SPACA7: variants seen among roughly 807,000 people sequenced by gnomAD.
SPACA7 encodes the protein sperm acrosome associated 7.
Under a neutral mutation model 26.3 loss-of-function variants are expected in SPACA7, and 19 were observed. That is an observed-to-expected ratio of 0.72 (90% CI 0.50 to 1.06). The LOEUF (loss-of-function observed/expected upper bound fraction) is 1.06. Ranked by LOEUF, SPACA7 falls within the 50% of genes least tolerant of loss-of-function variation. The pLI, the probability that SPACA7 is intolerant of heterozygous loss-of-function variation, is 0.00. For missense variants in SPACA7, 211 were observed against 229.9 expected (o/e 0.92, Z 0.53); for synonymous variants, 84 against 84.5 (o/e 0.99, Z 0.04).
chr13:112,381,258 A>C (rs1163679796), intron 1 of SPACA7, among the ~76,000 whole-genome samples: 4 of 152,158 alleles, frequency 2.6e-5, no homozygotes, highest in Admixed American at 6.5e-5. Flanking sequence ...GGGAGGTTAA[A>C]GCTGGTGGAT....
Position 112,434,408 on chromosome 13 carries a change from G to A in SPACA7, c.524-77G>A. 5 of 1,251,522 alleles carry A rather than the reference G, an allele frequency of 4.0e-6. 1 individual carries two copies. The South Asian group carries it at 6.5e-5, about 16-fold the overall frequency. 77.5% of individuals were successfully genotyped at this position (1,251,522 alleles called of 1,614,324 possible). On this transcript the variant is annotated intron_variant, in intron 6 of 6. Transcript: ENST00000283550. Reference sequence around the variant, plus strand: ...GGCTTGGTTCCTCCTGTCCCCTGGTGTCCCTCGATCCTGCCAGTGCCTCCA... The same window carrying A: ...GGCTTGGTTCCTCCTGTCCCCTGGTATCCCTCGATCCTGCCAGTGCCTCCA...
chr13:112,399,249 G>T, intron 4 of SPACA7, 76 bp downstream of exon 4: 1 of 804,906 alleles, frequency 1.2e-6, no homozygotes. Context: ...AGACGCAGGC[G>T]GAAACATCTC....
At chr13:112,380,520 C>T (rs1207458032) in intron 1 of SPACA7, among the ~76,000 whole-genome samples, 1 of 151,686 alleles carries the variant, frequency 6.6e-6, no homozygotes, top group Non-Finnish European at 1.5e-5. Flanking sequence ...TACTAAAGCT[C>T]ATCTATAAAA....
intron 6 of SPACA7, 75 bp from the exon 7 acceptor site, chr13:112,434,410 C>T: frequency 7.9e-7 from 1 of 1,273,340 alleles, no homozygotes; most frequent in Non-Finnish European, 1.1e-6. Flanking sequence ...CCCCTGGTGT[C>T]CCTCGATCCT....
At chr13:112,382,371 T>C (rs1566451614) in intron 1 of SPACA7, 3 of 1,512,948 alleles carry the variant, frequency 2.0e-6, no homozygotes, top group Admixed American at 2.1e-5. Context: ...GTGCTGGGAC[T>C]ACAGGCATGA....
intron 5 of SPACA7, among the ~76,000 whole-genome samples, chr13:112,422,061 C>T (rs1324573941): frequency 7.0e-6 from 1 of 143,682 alleles, no homozygotes; most frequent in East Asian, 2.2e-4. Context: ...AACCTGGTGA[C>T]ACACTTTAAA....
chr13:112,392,080 G>C (rs1414659321), intron 1 of SPACA7, among the ~76,000 whole-genome samples: 1 of 152,228 alleles, frequency 6.6e-6, no homozygotes. Context: ...CACTCTGAAA[G>C]GGAAGGTGTG....
At position 112,391,839 on chromosome 13, in the gene SPACA7, G is replaced by A. The variant is rs1884907807; in HGVS notation, c.95-1182G>A. ...TGATCATTAATGTCTCATCCAAAGA[G>A]AACTGTACTTTGTTTGTTTCGTTTA... is the stretch of plus-strand genomic sequence containing the variant. On this transcript the variant is annotated intron_variant, in intron 1 of 6. Transcript: ENST00000283550. Among the ~76,000 whole-genome samples, 3 of 152,312 alleles carry A rather than the reference G, an allele frequency of 2.0e-5. No individual in the cohort carries two copies. The South Asian group carries it at 6.2e-4, about 32-fold the overall frequency.
At chr13:112,382,249 GTTGTT>G (rs772561501) in intron 1 of SPACA7, 35 of 562,944 alleles carry the variant, frequency 6.2e-5, no homozygotes, top group South Asian at 8.3e-5. Flanking sequence ...AATCTTTTTT[GTTGTT>G]TTGTTTTGTT....
At chr13:112,407,090 A>C (rs1055138502) in intron 5 of SPACA7, among the ~76,000 whole-genome samples, 2 of 152,226 alleles carry the variant, frequency 1.3e-5, no homozygotes, top group African/African-American at 4.8e-5. Context: ...ACTACATGGA[A>C]ACTGAATAAC....
chr13:112,404,311 G>C (rs1271442908), intron 5 of SPACA7, among the ~76,000 whole-genome samples: 2 of 152,098 alleles, frequency 1.3e-5, no homozygotes, highest in South Asian at 4.2e-4. Flanking sequence ...GTAGATTCTG[G>C]ATATTAGTCC....
intron 1 of SPACA7, among the ~76,000 whole-genome samples, chr13:112,387,642 C>T (rs1254484402): frequency 2.6e-5 from 4 of 152,248 alleles, no homozygotes; most frequent in Non-Finnish European, 4.4e-5. Context: ...ACCAGGCTTG[C>T]GGGCTCCCTT....
chr13:112,379,010 ATTG>A lies in SPACA7; in HGVS notation c.94+2536_94+2538del, dbSNP rs1398929465. 2.0e-5 allele frequency among the ~76,000 whole-genome samples: 3 copies of A among 152,234 alleles called. No individual in the cohort carries two copies. The East Asian group carries it at 5.8e-4, about 29-fold the overall frequency. On this transcript the variant is annotated intron_variant, in intron 1 of 6. Transcript: ENST00000283550. ...TTGTTTATGAAAGTGTAATTACCAA[ATTG>A]TTGTCCGTTATGCGTAGCCTAAGAG...
At chr13:112,383,088 A>C (rs58827090) in intron 1 of SPACA7, among the ~76,000 whole-genome samples, 134 of 95,968 alleles carry the variant, frequency 1.4e-3, no homozygotes, top group African/African-American at 4.6e-3. Flanking sequence ...AAGAAAAAGA[A>C]AGAAAGAAAG....
At chr13:112,400,207 T>A (rs900246927) in intron 4 of SPACA7, among the ~76,000 whole-genome samples, 1 of 152,156 alleles carries the variant, frequency 6.6e-6, no homozygotes, top group Non-Finnish European at 1.5e-5. Context: ...AGCCCAGGAA[T>A]CTGCATCCCA....
chr13:112,419,291 T>C (rs1250086618), intron 5 of SPACA7, among the ~76,000 whole-genome samples: 1 of 152,150 alleles, frequency 6.6e-6, no homozygotes, highest in Admixed American at 6.5e-5. Flanking sequence ...GTGTGGGATA[T>C]AATATGCATT....
At chr13:112,382,853 G>T (rs1296091433) in intron 1 of SPACA7, among the ~76,000 whole-genome samples, 1 of 151,950 alleles carries the variant, frequency 6.6e-6, no homozygotes, top group African/African-American at 2.4e-5. Context: ...GCCAGGCATG[G>T]TGGCAGGTGC....
intron 1 of SPACA7, among the ~76,000 whole-genome samples, chr13:112,391,909 C>A (rs1280395680): frequency 6.6e-6 from 1 of 152,158 alleles, no homozygotes; most frequent in Non-Finnish European, 1.5e-5. Flanking sequence ...ACATCTCAGA[C>A]CTTTTTGCAT....
intron 5 of SPACA7, among the ~76,000 whole-genome samples, chr13:112,407,869 T>C (rs1315646121): frequency 6.6e-6 from 1 of 152,204 alleles, no homozygotes; most frequent in South Asian, 2.1e-4. Context: ...CTCATTTTTA[T>C]GAGGCCAGCA....
Sources: allele counts gnomAD v4.1 joint callset (sites outside exome capture counted in the v4.1 genomes callset), GRCh38; gene constraint gnomAD v4.1.1; transcripts MANE v1.5; gene names NCBI Gene and HGNC (gene_info 2026-07-23, HGNC 2026-07-21).